Variants in ZKSCAN7 observed in about 807,000 individuals in gnomAD.
The protein encoded by ZKSCAN7 is zinc finger protein with KRAB and SCAN domains 7.
A neutral mutation model predicts 65.3 loss-of-function variants in ZKSCAN7; 38 were observed. The observed-to-expected ratio is 0.58, with a 90% confidence interval of 0.45 to 0.76. The LOEUF (loss-of-function observed/expected upper bound fraction) is 0.76. Among genes scored for constraint, ZKSCAN7 ranks in the 30% least tolerant of loss-of-function variants. The pLI is 0.00. For missense variants in ZKSCAN7, 815 were observed against 913.3 expected, an observed-to-expected ratio of 0.89 and a Z score of 1.39; for synonymous variants, 321 against 321.0, an observed-to-expected ratio of 1.00 and a Z score of 0.00.
chr3:44,565,789 C>G, intron 3 of ZKSCAN7, 134 bp downstream of exon 3: 1 of 955,570 alleles, frequency 1.0e-6, no homozygotes, highest in Non-Finnish European at 1.4e-6. Context: ...TCCCTAGTGA[C>G]CCTGTTTGTT....
rs1699810288 is a variant in ZKSCAN7 at position 44,571,538 on chromosome 3, T to G, written c.*163T>G. On this transcript the variant is annotated 3_prime_UTR_variant, in exon 6 of 6. Transcript: ENST00000426540. ...GGAGAGTAGGAGTAACTTATTCCAG[T>G]TCTTACCCATTATTAGGAAGGTAAG... The G allele has an allele frequency of 6.6e-7, 1 of 1,517,456 alleles. No homozygotes were observed. 94.0% of individuals were successfully genotyped at this position (1,517,456 alleles called of 1,614,324 possible).
Position 44,556,935 on chromosome 3 carries a change from A to G in ZKSCAN7, c.-113A>G. 7.2e-7 allele frequency: 1 copy of G among 1,387,920 alleles called. No individual in the cohort carries two copies. The highest frequency in any genetic ancestry group is 1.4e-5 in the African/African-American group (1 of 68,982). 86.0% of individuals were successfully genotyped at this position (1,387,920 alleles called of 1,614,324 possible). On this transcript the variant is annotated 5_prime_UTR_variant, in exon 2 of 6. Coordinates refer to ENST00000426540, the MANE Select transcript of ZKSCAN7 (RefSeq NM_001288590.2). ...TTTCACTCTTGTTTCTGTAGGCCAC[A>G]CTACCATCACCCCTTTCTCCAACCC...
At chr3:44,580,264 C>A (rs1287717663) in intron 5 of ZKSCAN7, 1 of 1,613,834 alleles carries the variant, frequency 6.2e-7, no homozygotes, top group Non-Finnish European at 8.5e-7. Flanking sequence ...ACTTTGCGGC[C>A]ACAGTCCATG....
Position 44,570,591 on chromosome 3 carries a change from C to A in ZKSCAN7, c.1481C>A (p.Pro494His). Residue 494 changes from proline (P) to histidine (H), a missense_variant, in exon 6 of 6, where the codon CCT becomes CAT. By Grantham distance (77) the Pro-to-His change is moderately conservative. This residue lies in a region of ZKSCAN7 where 578 missense variants were observed against 629.5 expected (regional missense o/e 0.92). Transcript: ENST00000426540. ...CAGAGAACCCATACTGGGGAGAAAC[C>A]TTATGAATGCAATGAGTGTGGAGAG... is the stretch of plus-strand genomic sequence containing the variant. ...DHQRTHTGEK[P>H]YECNECGEAF... The A allele has an allele frequency of 6.2e-7, 1 of 1,614,186 alleles. No homozygotes were observed. The highest frequency in any genetic ancestry group is 8.5e-7 in the Non-Finnish European group (1 of 1,180,024).
chr3:44,580,616 G>T (rs113207159), intron 5 of ZKSCAN7: 2 of 1,613,852 alleles, frequency 1.2e-6, no homozygotes, highest in East Asian at 4.5e-5. Flanking sequence ...ACCCACTGAC[G>T]ATCTCCTTGG....
At position 44,557,307 on chromosome 3, in the gene ZKSCAN7, T is replaced by C; in HGVS notation, c.260T>C (p.Val87Ala). 1 of 1,614,206 alleles carries C rather than the reference T, an allele frequency of 6.2e-7. No homozygotes were observed. Among genetic ancestry groups the C allele is most frequent in the Non-Finnish European group, 8.5e-7 (1 of 1,180,044 alleles). Residue 87 changes from valine (V) to alanine (A), a missense_variant, in exon 2 of 6, where the codon GTG becomes GCG. By Grantham distance (64) the Val-to-Ala change is moderately conservative. Transcript: ENST00000426540. ...TGCCGCTGGTGGCTCATGCCAGAGGTGCACACCAAGGAGCAGATCCTGGAG... is the reference window on the plus strand; with the variant it reads ...TGCCGCTGGTGGCTCATGCCAGAGGCGCACACCAAGGAGCAGATCCTGGAG... ...ELCRWWLMPE[V>A]HTKEQILELL...
chr3:44,558,113 C>T (rs1699353526), intron 2 of ZKSCAN7, among the ~76,000 whole-genome samples: 1 of 152,142 alleles, frequency 6.6e-6, no homozygotes, highest in Non-Finnish European at 1.5e-5. Flanking sequence ...AGCCAACTAG[C>T]TCTGTGCCCA....
rs1459074690 is a variant in ZKSCAN7, at chr3:44,557,316, A to G, written c.269A>G (p.Lys90Arg). ...RWWLMPEVHT[K>R]EQILELLVLE... ...TGGCTCATGCCAGAGGTGCACACCAAGGAGCAGATCCTGGAGCTGCTGGTG... is the reference window on the plus strand; with the variant it reads ...TGGCTCATGCCAGAGGTGCACACCAGGGAGCAGATCCTGGAGCTGCTGGTG... The change falls in exon 2 of 6, where the codon AAG becomes AGG. Residue 90 changes from lysine (K) to arginine (R), a missense_variant. Physicochemically the swap from Lys to Arg is conservative, Grantham distance 26. This residue lies in a region of ZKSCAN7 where 227 missense variants were observed against 253.3 expected (regional missense o/e 0.90). Coordinates refer to ENST00000426540, the MANE Select transcript of ZKSCAN7 (RefSeq NM_001288590.2). 6.2e-7 allele frequency: 1 copy of G among 1,614,158 alleles called. No individual in the cohort carries two copies. The highest frequency in any genetic ancestry group is 2.2e-5 in the East Asian group (1 of 44,892).
At chr3:44,572,849 C>CAAAAAAAAAAAAAAAAAAAAAAAAAAAA (rs11339297), downstream of ZKSCAN7, among the ~76,000 whole-genome samples, 17 of 72,414 alleles carry the variant, frequency 2.3e-4, no homozygotes, top group South Asian at 4.4e-4. Context: ...GACTCTGTCT[C>CAAAAAAAAAAAAAAAAAAAAAAAAAAAA]AAAAAAAAAA....
At chr3:44,561,697 G>T (rs983237416) in intron 2 of ZKSCAN7, among the ~76,000 whole-genome samples, 8 of 152,154 alleles carry the variant, frequency 5.3e-5, no homozygotes, top group Non-Finnish European at 1.2e-4. Context: ...AAAACAAAGG[G>T]GTTACATGTC....
At chr3:44,575,892 A>ATTCT (rs1483357262), downstream of ZKSCAN7, among the ~76,000 whole-genome samples, 3 of 152,002 alleles carry the variant, frequency 2.0e-5, no homozygotes, top group Non-Finnish European at 4.4e-5. Flanking sequence ...TATTATTATT[A>ATTCT]TTTTTTAAAG....
At chr3:44,575,184 T>C (rs187107592), downstream of ZKSCAN7, among the ~76,000 whole-genome samples, 40 of 152,240 alleles carry the variant, frequency 2.6e-4, no homozygotes, top group Non-Finnish European at 5.7e-4. Flanking sequence ...TAGTCCTAGG[T>C]ATTCAGGAGA....
chr3:44,563,653 A>C (rs1699547960), intron 2 of ZKSCAN7, among the ~76,000 whole-genome samples: 1 of 38,234 alleles, frequency 2.6e-5, no homozygotes, highest in African/African-American at 1.1e-4. Context: ...TTCCCCCCCT[A>C]CCCCCACCCC....
chr3:44,556,804 AT>A, intron 1 of ZKSCAN7, 125 bp from the exon 2 acceptor site: 1 of 574,254 alleles, frequency 1.7e-6, no homozygotes, highest in East Asian at 3.0e-5. Context: ...ATTTGGAGAG[AT>A]GCTTACTAAG....
rs553442479 is a variant in ZKSCAN7, at chr3:44,570,820, G to C, written c.1710G>C (p.Gln570His). 6.2e-7 allele frequency: 1 copy of C among 1,614,202 alleles called. No homozygotes were observed. Among genetic ancestry groups the C allele is most frequent in the South Asian group, 1.1e-5 (1 of 91,088 alleles). Reference sequence around the variant, plus strand: ...GGAGTAAATGTCTTATTCGACATCAGAGCCTCCATACTGGGGAAAAGCCAT... The same window carrying C: ...GGAGTAAATGTCTTATTCGACATCACAGCCTCCATACTGGGGAAAAGCCAT... ...FSRSKCLIRH[Q>H]SLHTGEKPYK... The change falls in exon 6 of 6, where the codon CAG (glutamine) becomes CAC (histidine). Residue 570 changes from glutamine to histidine, a missense_variant. Gln to His is a conservative substitution (Grantham distance 24). Coordinates refer to ENST00000426540, the MANE Select transcript of ZKSCAN7 (RefSeq NM_001288590.2).
intron 4 of ZKSCAN7, 89 bp from the exon 5 acceptor site, chr3:44,568,218 A>C: frequency 6.4e-7 from 1 of 1,560,446 alleles, no homozygotes; most frequent in Non-Finnish European, 8.7e-7. Flanking sequence ...TTGCCCATGA[A>C]GAGCCCATAC....
At position 44,570,806 on chromosome 3, in the gene ZKSCAN7, C is replaced by T; in HGVS notation, c.1696C>T (p.Leu566Phe). ...CAAAGCCTTCAGTCGGAGTAAATGT[C>T]TTATTCGACATCAGAGCCTCCATAC... The part of the protein sequence containing the change: ...CGKAFSRSKC[L>F]IRHQSLHTGE... Residue 566 changes from leucine (L) to phenylalanine (F), a missense_variant, in exon 6 of 6, where the codon CTT (leucine) becomes TTT (phenylalanine). Coordinates refer to ENST00000426540, the MANE Select transcript of ZKSCAN7 (RefSeq NM_001288590.2). 6.2e-7 allele frequency: 1 copy of T among 1,614,146 alleles called. No individual in the cohort carries two copies. Among genetic ancestry groups the T allele is most frequent in the Non-Finnish European group, 8.5e-7 (1 of 1,180,032 alleles).
At position 44,570,809 on chromosome 3, in the gene ZKSCAN7, A is replaced by T; in HGVS notation, c.1699A>T (p.Ile567Phe). The change falls in exon 6 of 6, where the codon ATT becomes TTT. Residue 567 changes from isoleucine (I) to phenylalanine (F), a missense_variant. By Grantham distance (21) the Ile-to-Phe change is conservative. This residue lies in a region of ZKSCAN7 where 578 missense variants were observed against 629.5 expected (regional missense o/e 0.92). Coordinates refer to ENST00000426540, the MANE Select transcript of ZKSCAN7 (RefSeq NM_001288590.2). ...GKAFSRSKCL[I>F]RHQSLHTGEK... The stretch of plus-strand genomic sequence containing the variant: ...AGCCTTCAGTCGGAGTAAATGTCTT[A>T]TTCGACATCAGAGCCTCCATACTGG... The T allele has an allele frequency of 6.2e-7, 1 of 1,614,222 alleles. No homozygotes were observed. The highest frequency in any genetic ancestry group is 1.1e-5 in the South Asian group (1 of 91,086).
Position 44,581,070 on chromosome 3 carries a change from C to T in ZKSCAN7, c.812-1902C>T, listed in dbSNP as rs567652854. ...GGCGGCGCAGGCCCGGCCGGCCTGG[C>T]GCTCCCGGCGGGCTAGGGGCTCAGC... On this transcript the variant is annotated intron_variant, in intron 5 of 5. Transcript: ENST00000341840. 327 of 1,280,380 alleles carry T rather than the reference C, an allele frequency of 2.6e-4. 6 individuals carry two copies. The South Asian group carries it at 3.5e-3, about 14-fold the overall frequency. The allele number at this position is 1,280,380 out of a possible 1,614,324, so 79.3% of individuals were successfully genotyped here.
Sources: allele counts gnomAD v4.1 joint callset (sites outside exome capture counted in the v4.1 genomes callset), GRCh38; gene constraint gnomAD v4.1.1; regional missense constraint gnomAD v4.1.1; transcripts MANE v1.5; gene names NCBI Gene and HGNC (gene_info 2026-07-23, HGNC 2026-07-21).